The following STK32A variants were observed in gnomAD, a reference collection of about 807,000 sequenced individuals.
STK32A encodes serine/threonine-protein kinase 32A.
A neutral mutation model predicts 53.2 loss-of-function variants in STK32A; 41 were observed. The ratio of observed to expected loss-of-function variants is 0.77; its 90% confidence interval spans 0.60 to 1.00. The LOEUF (loss-of-function observed/expected upper bound fraction) is 1.00. Among genes scored for constraint, STK32A ranks in the 50% least tolerant of loss-of-function variants. The pLI is 0.00. For missense variants in STK32A, 458 were observed against 485.8 expected (o/e 0.94, Z 0.54); for synonymous variants, 166 against 162.8 (o/e 1.02, Z -0.15).
chr5:147,241,502 A>G (rs2400282), intron 2 of STK32A, among the ~76,000 whole-genome samples: 61,953 of 151,854 alleles, frequency 0.41, 12,781 homozygotes, highest in Admixed American at 0.45. Flanking sequence ...AAACAAACAA[A>G]CAAAAAAACC....
chr5:147,308,138 TTATA>T (rs3995475), intron 4 of STK32A, among the ~76,000 whole-genome samples: 7,203 of 148,300 alleles, frequency 0.049, 285 homozygotes, highest in African/African-American at 0.11. Flanking sequence ...TTCATACATT[TTATA>T]TATATATATA....
At chr5:147,342,224 C>A (rs1459847721) in intron 5 of STK32A, among the ~76,000 whole-genome samples, 15 of 152,176 alleles carry the variant, frequency 9.9e-5, no homozygotes. Context: ...TTTGACAGAC[C>A]AAGTCTGTCA....
intron 2 of STK32A, among the ~76,000 whole-genome samples, chr5:147,252,363 A>T (rs1754035885): frequency 1.3e-5 from 2 of 152,156 alleles, no homozygotes; most frequent in African/African-American, 4.8e-5. Context: ...ATAAGGCTTG[A>T]GGTATTAAAA....
chr5:147,251,524 A>T (rs1328711476), intron 2 of STK32A, among the ~76,000 whole-genome samples: 1 of 152,332 alleles, frequency 6.6e-6, no homozygotes, highest in South Asian at 2.1e-4. Flanking sequence ...TTGATCTAAA[A>T]TGAATACCAT....
At chr5:147,390,721 C>T (rs1196195119), downstream of STK32A, 2 of 152,324 alleles carry the variant, frequency 1.3e-5, no homozygotes, top group Non-Finnish European at 2.9e-5. Context: ...GCCTGCCCCT[C>T]TTACTAACCC....
the STK32A span, among the ~76,000 whole-genome samples, chr5:147,399,677 G>C: frequency 2.6e-5 from 4 of 152,114 alleles, no homozygotes; most frequent in African/African-American, 9.7e-5. Flanking sequence ...GATAACAATG[G>C]GTTCCCTGGG....
the STK32A span, chr5:147,400,727 C>T: frequency 6.2e-7 from 1 of 1,614,208 alleles, no homozygotes; most frequent in Admixed American, 1.7e-5. Context: ...ATCCGCTCCT[C>T]CACACCATTG....
chr5:147,348,564 C>G, intron 6 of STK32A: 1 of 681,718 alleles, frequency 1.5e-6, no homozygotes, highest in South Asian at 1.6e-5. Flanking sequence ...CCTTCTCTAC[C>G]TTCCACTTCT....
intron 10 of STK32A, among the ~76,000 whole-genome samples, chr5:147,374,559 C>T (rs1757149354): frequency 6.6e-6 from 1 of 152,104 alleles, no homozygotes; most frequent in African/African-American, 2.4e-5. Flanking sequence ...GGTCTAGGCA[C>T]CCCAACTCTT....
Position 147,294,620 on chromosome 5 carries a change from T to G in STK32A, c.260+15222T>G, listed in dbSNP as rs1752775848. On this transcript the variant is annotated intron_variant, in intron 4 of 12. Coordinates refer to ENST00000397936, the MANE Select transcript of STK32A (RefSeq NM_001112724.2). ...AACTCCCTTTACCAAAAACACATCT[T>G]AATTTCTTTATATACCTTATGTATA... 2.6e-5 allele frequency among the ~76,000 whole-genome samples: 4 copies of G among 152,192 alleles called. No individual in the cohort carries two copies. The South Asian group carries it at 8.3e-4, about 32-fold the overall frequency.
intron 5 of STK32A, among the ~76,000 whole-genome samples, chr5:147,340,068 G>A (rs1266638288): frequency 6.6e-6 from 1 of 152,194 alleles, no homozygotes; most frequent in African/African-American, 2.4e-5. Flanking sequence ...TTTGTAAACT[G>A]TCATGGTGCT....
chr5:147,322,864 T>G (rs571618298), intron 4 of STK32A, among the ~76,000 whole-genome samples: 1 of 152,306 alleles, frequency 6.6e-6, no homozygotes, highest in South Asian at 2.1e-4. Context: ...CCATGTCTGA[T>G]CCTGCCTAAT....
intron 2 of STK32A, among the ~76,000 whole-genome samples, chr5:147,246,137 A>G (rs1753760750): frequency 6.6e-6 from 1 of 152,224 alleles, no homozygotes; most frequent in Non-Finnish European, 1.5e-5. Context: ...TGGAAAAGTT[A>G]AAGGAAAATT....
chr5:147,307,883 A>G (rs1039711828), intron 4 of STK32A, among the ~76,000 whole-genome samples: 1 of 152,076 alleles, frequency 6.6e-6, no homozygotes, highest in Admixed American at 6.6e-5. Context: ...ACTCTGTTCC[A>G]TTGATTCATT....
chr5:147,381,569 A>G (rs1254093075), intron 11 of STK32A, among the ~76,000 whole-genome samples: 1 of 151,880 alleles, frequency 6.6e-6, no homozygotes, highest in Non-Finnish European at 1.5e-5. Flanking sequence ...CTTGAACCCA[A>G]GAGGAGGAGG....
At position 147,385,798 on chromosome 5, in the gene STK32A, A is replaced by C. The variant is rs901148696; in HGVS notation, c.*1815A>C. The C allele has an allele frequency of 5.9e-5, 9 of 152,222 alleles. No individual in the cohort carries two copies. The highest frequency in any genetic ancestry group is 2.2e-4 in the African/African-American group (9 of 41,448). 9.4% of individuals were successfully genotyped at this position (152,222 alleles called of 1,614,324 possible). On this transcript the variant is annotated 3_prime_UTR_variant, in exon 13 of 13. Coordinates refer to ENST00000397936, the MANE Select transcript of STK32A (RefSeq NM_001112724.2). Reference sequence around the variant, plus strand: ...TTGTTTTCACCTCTTGGCTACTCAGAGTACCTAAACCTGTCCTTACTTATG... The same window carrying C: ...TTGTTTTCACCTCTTGGCTACTCAGCGTACCTAAACCTGTCCTTACTTATG...
chr5:147,241,479 AAAACAAAC>A (rs80273912), intron 2 of STK32A, among the ~76,000 whole-genome samples: 1 of 151,032 alleles, frequency 6.6e-6, no homozygotes, highest in Non-Finnish European at 1.5e-5. Flanking sequence ...ACTCCATCTC[AAAACAAAC>A]AAACAAACAA....
chr5:147,265,917 C>T (rs1298702265), intron 2 of STK32A, among the ~76,000 whole-genome samples: 2 of 152,238 alleles, frequency 1.3e-5, no homozygotes, highest in Non-Finnish European at 2.9e-5. Flanking sequence ...CTCTTTTTAA[C>T]CAGTGCTTAC....
rs534126633 is a variant in STK32A, at chr5:147,387,629, A to T, written c.*3646A>T. The T allele has an allele frequency of 6.6e-6, 1 of 152,354 alleles. No homozygotes were observed. The highest frequency in any genetic ancestry group is 1.9e-4 in the East Asian group (1 of 5,186). 9.4% of individuals were successfully genotyped at this position (152,354 alleles called of 1,614,324 possible). On this transcript the variant is annotated 3_prime_UTR_variant, in exon 13 of 13. Coordinates refer to ENST00000397936, the MANE Select transcript of STK32A (RefSeq NM_001112724.2). Reference sequence around the variant, plus strand: ...AGTTGTCCCTGTATTGTCTACATAAAATCCTGTTTCCTGCTATCTGTCTGT... The same window carrying T: ...AGTTGTCCCTGTATTGTCTACATAATATCCTGTTTCCTGCTATCTGTCTGT...
Sources: allele counts gnomAD v4.1 joint callset (sites outside exome capture counted in the v4.1 genomes callset), GRCh38; gene constraint gnomAD v4.1.1; transcripts MANE v1.5; gene names NCBI Gene and HGNC (gene_info 2026-07-23, HGNC 2026-07-21).